Variants in GABRA3 observed in about 807,000 individuals in gnomAD.
GABRA3 encodes gamma-aminobutyric acid receptor subunit alpha-3.
Under a neutral mutation model 30.1 loss-of-function variants are expected in GABRA3, and 10 were observed. The ratio of observed to expected loss-of-function variants is 0.33; its 90% CI spans 0.20 to 0.56. The LOEUF (loss-of-function observed/expected upper bound fraction) is 0.56. Among genes scored for constraint, GABRA3 ranks in the 20% least tolerant of loss-of-function variants. The pLI is 0.89. For synonymous variants in GABRA3, 151 were observed against 146.8 expected (o/e 1.03, Z -0.21); for missense variants, 233 against 392.0 (o/e 0.59, Z 3.42).
chrX:152,228,948 T>C (rs5970232), intron 5 of GABRA3, among the ~76,000 whole-genome samples: 30,987 of 110,463 alleles, frequency 0.28, 3,778 homozygotes, highest in African/African-American at 0.46. Context: ...TCTTTATCTA[T>C]TCCAGAGGAT....
chrX:152,304,512 C>T (rs1310030407), intron 3 of GABRA3, among the ~76,000 whole-genome samples: 2 of 112,043 alleles, frequency 1.8e-5, no homozygotes, highest in African/African-American at 3.2e-5. Context: ...TTCTTCTACA[C>T]GTGGATAGCC....
At chrX:152,350,514 A>G (rs1259706593) in intron 2 of GABRA3, among the ~76,000 whole-genome samples, 1 of 111,165 alleles carries the variant, frequency 9.0e-6, no homozygotes, top group Non-Finnish European at 1.9e-5. Context: ...TAATGAATCC[A>G]GGAGCTGGTT....
At chrX:152,190,497 C>T (rs1464591844) in intron 8 of GABRA3, among the ~76,000 whole-genome samples, 1 of 111,052 alleles carries the variant, frequency 9.0e-6, no homozygotes, top group Non-Finnish European at 1.9e-5. Flanking sequence ...ACTTCCTTCC[C>T]TAACCTATTT....
intron 5 of GABRA3, among the ~76,000 whole-genome samples, chrX:152,236,170 G>C (rs1293884538): frequency 2.5e-5 from 2 of 78,662 alleles, no homozygotes; most frequent in Admixed American, 1.6e-4. Flanking sequence ...ACAGTCCCCA[G>C]AGTGTGATAT....
chrX:152,377,899 G>C (rs773916897), intron 1 of GABRA3, among the ~76,000 whole-genome samples: 9 of 111,812 alleles, frequency 8.0e-5, no homozygotes, highest in Admixed American at 6.7e-4. Flanking sequence ...GAGACTGCAA[G>C]AGAGTTGCTT....
intron 5 of GABRA3, among the ~76,000 whole-genome samples, chrX:152,234,647 A>G (rs1179075250): frequency 9.0e-6 from 1 of 111,329 alleles, no homozygotes; most frequent in Non-Finnish European, 1.9e-5. Flanking sequence ...AAATTTTTGT[A>G]TATGGTAAAA....
intron 2 of GABRA3, among the ~76,000 whole-genome samples, chrX:152,359,200 A>T (rs1024387451): frequency 3.0e-4 from 33 of 110,890 alleles, no homozygotes; most frequent in Non-Finnish European, 4.9e-4. Flanking sequence ...ACTTTTTCGG[A>T]TTGGTAGGCT....
intron 5 of GABRA3, among the ~76,000 whole-genome samples, chrX:152,255,377 G>A (rs1333647182): frequency 8.9e-6 from 1 of 112,068 alleles, no homozygotes; most frequent in Non-Finnish European, 1.9e-5. Context: ...GCATCATAGG[G>A]ATAGTTTGTT....
At position 152,182,169 on chromosome X, in the gene GABRA3, T is replaced by A. The variant is rs148215013; in HGVS notation, c.1143+7561A>T. ...TTGGTTTTGGACTTCATTCTGTTAA[T>A]GTGGTGTAGCATATTTATATATTTA... On this transcript the variant is annotated intron_variant, in intron 9 of 9. Transcript: ENST00000370314. Among the ~76,000 whole-genome samples the A allele has an allele frequency of 4.1e-3, 455 of 109,710 alleles. 5 individuals are homozygous for A. The Middle Eastern group carries it at 0.086, about 21-fold the overall frequency.
chrX:152,196,751 C>T (rs1246796785), intron 8 of GABRA3, among the ~76,000 whole-genome samples: 1 of 112,358 alleles, frequency 8.9e-6, no homozygotes, highest in Non-Finnish European at 1.9e-5. Flanking sequence ...CACATGACTT[C>T]CATGATATCA....
intron 3 of GABRA3, among the ~76,000 whole-genome samples, chrX:152,333,444 T>C (rs1280402958): frequency 8.9e-6 from 1 of 111,980 alleles, no homozygotes; most frequent in South Asian, 3.7e-4. Flanking sequence ...ATAGCTGCTA[T>C]TACCTCTTCT....
At chrX:152,213,625 C>G (rs1423509159) in intron 6 of GABRA3, among the ~76,000 whole-genome samples, 1 of 111,791 alleles carries the variant, frequency 8.9e-6, no homozygotes, top group Non-Finnish European at 1.9e-5. Context: ...GCAAAGTCTT[C>G]TACGTGGTAA....
intron 7 of GABRA3, 140 bp downstream of exon 7, chrX:152,207,861 A>G (rs1468764490): frequency 8.5e-6 from 5 of 590,972 alleles, no homozygotes; most frequent in Non-Finnish European, 1.3e-5. Flanking sequence ...CTGAACTTTT[A>G]TATACTCAGT....
At chrX:152,327,090 A>G in intron 3 of GABRA3, among the ~76,000 whole-genome samples, 1 of 110,664 alleles carries the variant, frequency 9.0e-6, no homozygotes. Context: ...ACCAACAAAG[A>G]TCAAGAGACA....
At chrX:152,387,821 A>T (rs1305364547) in intron 1 of GABRA3, among the ~76,000 whole-genome samples, 1 of 111,508 alleles carries the variant, frequency 9.0e-6, no homozygotes, top group African/African-American at 3.3e-5. Context: ...CAAGAATTCC[A>T]TATATCTGCT....
In GABRA3 at chrX:152,364,471, G is replaced by A. The variant is rs777972856; in HGVS notation, c.100C>T (p.Arg34Ter). ...TTCACAAAGTCCCCGGGTTCTTGTCGTCTTGATTCCCCTTGACCAGTGGTT... is the reference window on the plus strand; with the variant it reads ...TTCACAAAGTCCCCGGGTTCTTGTCATCTTGATTCCCCTTGACCAGTGGTT... Reference protein sequence around the residue: ...PGTTGQGESRRQEPGDFVKQD... With the variant: ...PGTTGQGESR The change falls in exon 2 of 10, where the codon CGA becomes TGA. Residue 34 changes from arginine (R) to a stop codon, truncating the protein, a stop_gained. Coordinates refer to ENST00000370314, the MANE Select transcript of GABRA3 (RefSeq NM_000808.4). LOFTEE classifies it high-confidence loss of function. 8.3e-7 allele frequency: 1 copy of A among 1,209,333 alleles called. No homozygotes were observed. The highest frequency in any genetic ancestry group is 1.1e-6 in the Non-Finnish European group (1 of 893,993).
chrX:152,373,873 C>T (rs1307852050), intron 1 of GABRA3, among the ~76,000 whole-genome samples: 3 of 107,380 alleles, frequency 2.8e-5, no homozygotes, highest in Non-Finnish European at 3.8e-5. Flanking sequence ...TGAGAACATG[C>T]GGCGTTTGGT....
intron 3 of GABRA3, among the ~76,000 whole-genome samples, chrX:152,339,558 G>T (rs1318654621): frequency 9.0e-6 from 1 of 111,559 alleles, no homozygotes; most frequent in Non-Finnish European, 1.9e-5. Flanking sequence ...GCAGAATATG[G>T]TCTATTTTCA....
chrX:152,327,083 A>G (rs1248963389), intron 3 of GABRA3, among the ~76,000 whole-genome samples: 1 of 110,696 alleles, frequency 9.0e-6, no homozygotes, highest in Non-Finnish European at 1.9e-5. Flanking sequence ...ACTTTAAACC[A>G]ACAAAGATCA....
Sources: gnomAD v4.1 joint callset for allele counts (sites outside exome capture counted in the v4.1 genomes callset) on GRCh38, gnomAD v4.1.1 for gene constraint, MANE v1.5 for transcripts, NCBI Gene and HGNC (gene_info 2026-07-23, HGNC 2026-07-21) for gene names.